Variants in NDST3 observed in about 807,000 individuals in gnomAD.
NDST3 encodes the protein N-deacetylase and N-sulfotransferase 3.
A neutral mutation model predicts 96.1 loss-of-function variants in NDST3; 58 were observed. That is an observed-to-expected ratio of 0.60 (90% CI 0.49 to 0.75). The LOEUF (loss-of-function observed/expected upper bound fraction) is 0.75, where lower values mean the gene tolerates loss of function less well. Ranked by LOEUF, NDST3 falls within the 30% of genes least tolerant of loss-of-function variation. The pLI is 0.00. For synonymous variants in NDST3, 333 were observed against 359.7 expected (o/e 0.93, Z 0.84); for missense variants, 788 against 1,034.2 (o/e 0.76, Z 3.27).
chr4:118,085,661 C>A (rs903817430), intron 2 of NDST3, among the ~76,000 whole-genome samples: 1 of 152,070 alleles, frequency 6.6e-6, no homozygotes, highest in Non-Finnish European at 1.5e-5. Context: ...TGTTGGGTAA[C>A]AATTTTATAT....
intron 8 of NDST3, 85 bp from the exon 9 acceptor site, chr4:118,232,927 A>T (rs1299820950): frequency 7.8e-7 from 1 of 1,286,858 alleles, no homozygotes; most frequent in Non-Finnish European, 1.1e-6. Context: ...GGATCATTCT[A>T]ATATTTATTC....
intron 11 of NDST3, 72 bp from the exon 12 acceptor site, chr4:118,241,968 G>A: frequency 9.3e-7 from 1 of 1,077,442 alleles, no homozygotes; most frequent in Non-Finnish European, 1.4e-6. Flanking sequence ...AATGAGTTTA[G>A]AATGCAGAAA....
intron 4 of NDST3, among the ~76,000 whole-genome samples, chr4:118,120,449 G>T (rs1731470212): frequency 6.6e-6 from 1 of 152,144 alleles, no homozygotes; most frequent in African/African-American, 2.4e-5. Flanking sequence ...TATGCTCTGA[G>T]GTGTAAGAGC....
chr4:118,251,442 C>G (rs1188205789), intron 12 of NDST3, among the ~76,000 whole-genome samples: 1 of 151,992 alleles, frequency 6.6e-6, no homozygotes, highest in Non-Finnish European at 1.5e-5. Flanking sequence ...TTAGGTTTAG[C>G]TCAATAATAC....
chr4:118,172,859 T>C (rs192205405), intron 6 of NDST3, among the ~76,000 whole-genome samples: 155 of 152,234 alleles, frequency 1.0e-3, no homozygotes, highest in Non-Finnish European at 1.8e-3. Flanking sequence ...TTTTTGAGTA[T>C]ATAAGGAATC....
chr4:118,070,191 A>T (rs1241502765), intron 2 of NDST3, among the ~76,000 whole-genome samples: 1 of 152,148 alleles, frequency 6.6e-6, no homozygotes, highest in Non-Finnish European at 1.5e-5. Context: ...AGATTTAATC[A>T]TTGCTAAGGT....
At chr4:118,189,243 G>A (rs1453244984) in intron 6 of NDST3, among the ~76,000 whole-genome samples, 1 of 152,012 alleles carries the variant, frequency 6.6e-6, no homozygotes, top group Non-Finnish European at 1.5e-5. Context: ...TAGAGATGGG[G>A]TTTGCCCATG....
intron 4 of NDST3, among the ~76,000 whole-genome samples, chr4:118,116,388 T>C (rs1005567404): frequency 2.0e-5 from 3 of 152,172 alleles, no homozygotes; most frequent in African/African-American, 7.2e-5. Flanking sequence ...GTTGTTGCTG[T>C]TTTGACAGCT....
intron 4 of NDST3, among the ~76,000 whole-genome samples, chr4:118,126,319 C>T (rs1425753580): frequency 4.0e-5 from 6 of 151,824 alleles, no homozygotes; most frequent in Admixed American, 6.6e-5. Flanking sequence ...TCTATCTCCA[C>T]GTGTTCAATT....
intron 6 of NDST3, among the ~76,000 whole-genome samples, chr4:118,155,087 T>C (rs1400766622): frequency 6.6e-6 from 1 of 152,236 alleles, no homozygotes; most frequent in African/African-American, 2.4e-5. Flanking sequence ...TTGATATTAC[T>C]TATAAAATGG....
chr4:118,242,038 A>G lies in NDST3; in HGVS notation c.2290-2A>G, dbSNP rs780069240. 1 of 1,586,620 alleles carries G rather than the reference A, an allele frequency of 6.3e-7. No individual in the cohort carries two copies. Among genetic ancestry groups the G allele is most frequent in the Non-Finnish European group, 8.6e-7 (1 of 1,160,022 alleles). ...TGTGCATTTTTTTATTTGATAATTTAGTTGCTAATTATTGATGGGCAACAA... is the reference window on the plus strand; with the variant it reads ...TGTGCATTTTTTTATTTGATAATTTGGTTGCTAATTATTGATGGGCAACAA... On this transcript the variant is annotated splice_acceptor_variant, in intron 11 of 13. Transcript: ENST00000296499. LOFTEE classifies it high-confidence loss of function.
At chr4:118,164,343 G>A (rs1735402411) in intron 6 of NDST3, among the ~76,000 whole-genome samples, 2 of 152,140 alleles carry the variant, frequency 1.3e-5, no homozygotes, top group South Asian at 2.1e-4. Flanking sequence ...CTGACCACAG[G>A]GTTGAGGCTG....
At chr4:118,187,006 T>C (rs1275349193) in intron 6 of NDST3, among the ~76,000 whole-genome samples, 1 of 152,166 alleles carries the variant, frequency 6.6e-6, no homozygotes, top group African/African-American at 2.4e-5. Flanking sequence ...AGGAGGATAA[T>C]ACCAAGAGTT....
At chr4:118,248,219 C>T (rs568630520) in intron 12 of NDST3, among the ~76,000 whole-genome samples, 4 of 151,990 alleles carry the variant, frequency 2.6e-5, no homozygotes, top group South Asian at 2.1e-4. Context: ...GGCGTGGTGG[C>T]GCACACCTGT....
intron 6 of NDST3, among the ~76,000 whole-genome samples, chr4:118,216,121 G>A (rs1739179140): frequency 6.6e-6 from 1 of 152,078 alleles, no homozygotes; most frequent in East Asian, 1.9e-4. Flanking sequence ...TGGAAGAACT[G>A]GCCCAAAGTC....
At chr4:118,111,598 G>A (rs1730646092) in intron 3 of NDST3, among the ~76,000 whole-genome samples, 1 of 147,946 alleles carries the variant, frequency 6.8e-6, no homozygotes, top group African/African-American at 2.5e-5. Context: ...GTGTAGCGAC[G>A]CCATCTTAGC....
intron 6 of NDST3, among the ~76,000 whole-genome samples, chr4:118,181,257 G>C (rs796103809): frequency 5.9e-5 from 9 of 152,134 alleles, no homozygotes; most frequent in Admixed American, 2.0e-4. Context: ...CCCATCTCCT[G>C]ACCACCAAAT....
chr4:118,143,911 G>A (rs563017205), intron 6 of NDST3, among the ~76,000 whole-genome samples: 1 of 152,276 alleles, frequency 6.6e-6, no homozygotes, highest in African/African-American at 2.4e-5. Flanking sequence ...AAGTGCTCCA[G>A]CGGATCCTCC....
chr4:118,102,431 C>A (rs1171843687), intron 2 of NDST3, among the ~76,000 whole-genome samples: 2 of 152,048 alleles, frequency 1.3e-5, no homozygotes, highest in Non-Finnish European at 2.9e-5. Context: ...GGTTTTCTGT[C>A]TGTGGTCGTG....
Sources: gnomAD v4.1 joint callset for allele counts (sites outside exome capture counted in the v4.1 genomes callset) on GRCh38, gnomAD v4.1.1 for gene constraint, MANE v1.5 for transcripts, NCBI Gene and HGNC (gene_info 2026-07-23, HGNC 2026-07-21) for gene names.